Variants in TTC28 observed in about 807,000 individuals in gnomAD.
TTC28 encodes tetratricopeptide repeat domain 28, also known as tetratricopeptide repeat protein 28.
TTC28 carries 61 observed loss-of-function variants against 198.0 expected under a neutral mutation model. The ratio of observed to expected loss-of-function variants is 0.31; its 90% CI spans 0.25 to 0.38. TTC28 has a LOEUF of 0.38. Ranked by LOEUF, TTC28 falls within the 10% of genes least tolerant of loss-of-function variation. The pLI is 1.00. For missense variants in TTC28, 2,678 were observed against 3,164.0 expected (o/e 0.85, Z 3.69); for synonymous variants, 1,171 against 1,297.8 (o/e 0.90, Z 2.10).
intron 2 of TTC28, among the ~76,000 whole-genome samples, chr22:28,358,168 G>A (rs1166424297): frequency 6.6e-6 from 1 of 152,096 alleles, no homozygotes; most frequent in African/African-American, 2.4e-5. Flanking sequence ...CTCCCTGAAA[G>A]CAAGAATAGA....
intron 12 of TTC28, among the ~76,000 whole-genome samples, chr22:28,089,802 C>A (rs138123118): frequency 0.08 from 12,019 of 150,574 alleles, 508 homozygotes; most frequent in African/African-American, 0.091. Flanking sequence ...TGATGAGTTC[C>A]TGTCCTTTGT....
At chr22:28,518,044 T>A (rs1344006469) in intron 2 of TTC28, among the ~76,000 whole-genome samples, 1 of 152,102 alleles carries the variant, frequency 6.6e-6, no homozygotes, top group Non-Finnish European at 1.5e-5. Flanking sequence ...CAGGTGTGCA[T>A]CTTTTTTCTG....
intron 12 of TTC28, among the ~76,000 whole-genome samples, chr22:28,043,913 T>G (rs991751696): frequency 1.5e-4 from 23 of 152,056 alleles, no homozygotes; most frequent in African/African-American, 5.6e-4. Context: ...GAACCACCCA[T>G]GAGGGCAGAG....
chr22:28,610,714 G>T (rs2050805269), intron 2 of TTC28, among the ~76,000 whole-genome samples: 2 of 152,144 alleles, frequency 1.3e-5, no homozygotes, highest in Admixed American at 1.3e-4. Context: ...ACTGGACAGA[G>T]AATGAGTTTG....
intron 12 of TTC28, among the ~76,000 whole-genome samples, chr22:28,045,154 A>T (rs1425545789): frequency 6.6e-6 from 1 of 152,204 alleles, no homozygotes; most frequent in Non-Finnish European, 1.5e-5. Flanking sequence ...GCTCAACTCA[A>T]CCAATATGAA....
At chr22:28,268,557 T>C (rs1931833690) in intron 5 of TTC28, among the ~76,000 whole-genome samples, 1 of 152,210 alleles carries the variant, frequency 6.6e-6, no homozygotes, top group Non-Finnish European at 1.5e-5. Context: ...CAGAGCAGGC[T>C]CTGTGACATA....
At chr22:28,398,711 G>A (rs926167681) in intron 2 of TTC28, among the ~76,000 whole-genome samples, 3 of 152,094 alleles carry the variant, frequency 2.0e-5, no homozygotes, top group African/African-American at 7.2e-5. Flanking sequence ...ATTTCTAAAT[G>A]GATTTTTCAA....
intron 2 of TTC28, among the ~76,000 whole-genome samples, chr22:28,416,027 A>G (rs540433898): frequency 6.6e-6 from 1 of 152,322 alleles, no homozygotes; most frequent in East Asian, 1.9e-4. Context: ...AGAAAGCTTA[A>G]AGGCTTTCTT....
intron 2 of TTC28, among the ~76,000 whole-genome samples, chr22:28,424,225 C>T (rs1446529471): frequency 6.6e-6 from 1 of 152,116 alleles, no homozygotes; most frequent in East Asian, 1.9e-4. Context: ...TACACTCCCA[C>T]AATAAACAAA....
rs1198722995 is a variant in TTC28, at chr22:28,127,406, A to C, written c.1442-19003T>G. On this transcript the variant is annotated intron_variant, in intron 6 of 22. Transcript: ENST00000397906. ...CTTACTCCAGTGTAATGGTAGCAAC[A>C]ACCAACCAACCTCCCCTAATCCTTG... 3.3e-5 allele frequency among the ~76,000 whole-genome samples: 5 copies of C among 152,174 alleles called. No homozygotes were observed. In the East Asian group the frequency reaches 9.6e-4, roughly 29 times the overall value.
chr22:28,232,357 CAAA>C (rs951500175), intron 5 of TTC28, among the ~76,000 whole-genome samples: 1 of 151,360 alleles, frequency 6.6e-6, no homozygotes, highest in African/African-American at 2.4e-5. Context: ...CAAAAGAATG[CAAA>C]AAAAAGAGGC....
chr22:28,385,918 C>G (rs887426038), intron 2 of TTC28, among the ~76,000 whole-genome samples: 1 of 152,066 alleles, frequency 6.6e-6, no homozygotes. Flanking sequence ...CACTTTTTCC[C>G]TCCAGTAAGT....
At chr22:28,146,328 T>C (rs1172011899) in intron 6 of TTC28, among the ~76,000 whole-genome samples, 1 of 152,228 alleles carries the variant, frequency 6.6e-6, no homozygotes, top group Non-Finnish European at 1.5e-5. Flanking sequence ...AAACGCTTAG[T>C]AAAGGATTTA....
At chr22:28,339,233 C>T (rs1245380823) in intron 2 of TTC28, among the ~76,000 whole-genome samples, 1 of 152,088 alleles carries the variant, frequency 6.6e-6, no homozygotes, top group Non-Finnish European at 1.5e-5. Flanking sequence ...AATGTTGCTC[C>T]CTGATCGTTC....
intron 2 of TTC28, among the ~76,000 whole-genome samples, chr22:28,611,439 C>T (rs746423566): frequency 6.6e-6 from 1 of 151,520 alleles, no homozygotes; most frequent in Non-Finnish European, 1.5e-5. Flanking sequence ...GAATTTTCAA[C>T]CCATAATTTC....
intron 2 of TTC28, among the ~76,000 whole-genome samples, chr22:28,335,747 A>G (rs2045704320): frequency 6.6e-6 from 1 of 152,170 alleles, no homozygotes. Context: ...GGCTGAGATG[A>G]TGGGGTTTTC....
chr22:27,993,225 C>A, intron 18 of TTC28, 62 bp downstream of exon 18: 1 of 1,407,020 alleles, frequency 7.1e-7, no homozygotes, highest in Non-Finnish European at 9.4e-7. Context: ...GGCCCAAGGC[C>A]ACCAACTGTT....
intron 2 of TTC28, among the ~76,000 whole-genome samples, chr22:28,614,101 G>A (rs570456605): frequency 6.6e-6 from 1 of 152,248 alleles, no homozygotes; most frequent in African/African-American, 2.4e-5. Flanking sequence ...CAAAGTCTCA[G>A]GATACAAAAT....
chr22:28,413,099 C>T (rs987175640), intron 2 of TTC28, among the ~76,000 whole-genome samples: 1 of 152,056 alleles, frequency 6.6e-6, no homozygotes, highest in Non-Finnish European at 1.5e-5. Flanking sequence ...ATGAAGAATC[C>T]AGGCATCGAA....
Sources: allele counts gnomAD v4.1 joint callset (sites outside exome capture counted in the v4.1 genomes callset), GRCh38; gene constraint gnomAD v4.1.1; transcripts MANE v1.5; gene names NCBI Gene and HGNC (gene_info 2026-07-23, HGNC 2026-07-21).